TARDBP: variants seen among roughly 807,000 people sequenced by gnomAD.
TARDBP encodes TAR DNA-binding protein 43.
In TARDBP, 4 loss-of-function variants were observed where a neutral mutation model predicts 38.3. The ratio of observed to expected loss-of-function variants is 0.10; its 90% CI spans 0.05 to 0.24. The LOEUF (loss-of-function observed/expected upper bound fraction) is 0.24, where lower values mean the gene tolerates loss of function less well. Ranked by LOEUF, TARDBP falls within the 10% of genes least tolerant of loss-of-function variation. The pLI, the probability that TARDBP is intolerant of heterozygous loss-of-function variation, is 1.00. For synonymous variants in TARDBP, 184 were observed against 183.8 expected (o/e 1.00, Z -0.01); for missense variants, 202 against 521.9 (o/e 0.39, Z 5.97).
At chr1:11,019,082 G>C in intron 4 of TARDBP, 3 of 631,554 alleles carry the variant, frequency 4.8e-6, no homozygotes, top group Non-Finnish European at 5.5e-6. Context: ...CTAAACCTTT[G>C]TTCATTTTGT....
intron 5 of TARDBP, among the ~76,000 whole-genome samples, chr1:11,021,614 T>G (rs1347600214): frequency 6.6e-6 from 1 of 152,020 alleles, no homozygotes; most frequent in Non-Finnish European, 1.5e-5. Context: ...TGAGACAGGG[T>G]CTCACTCTGT....
rs1643666176 is a variant in TARDBP, at chr1:11,022,739, T to G, written c.*85T>G. The G allele has an allele frequency of 3.3e-6, 5 of 1,520,092 alleles. No homozygotes were observed. Among genetic ancestry groups the G allele is most frequent in the Non-Finnish European group, 4.4e-6 (5 of 1,135,974 alleles). The allele number at this position is 1,520,092 out of a possible 1,614,324, so 94.2% of individuals were successfully genotyped here. A position where few individuals can be genotyped will look rare whatever the true frequency, so the allele number is the denominator to read the frequency against. ...TGGTAAGTATATTGTAAAATACATATGTACTAAGAATTTTCAAAATTGGTT... is the reference window on the plus strand; with the variant it reads ...TGGTAAGTATATTGTAAAATACATAGGTACTAAGAATTTTCAAAATTGGTT... On this transcript the variant is annotated 3_prime_UTR_variant, in exon 6 of 6. Coordinates refer to ENST00000240185, the MANE Select transcript of TARDBP (RefSeq NM_007375.4). The surrounding 1 kb of genome is among the most constrained non-coding windows in gnomAD (Gnocchi z 4.5).
intron 3 of TARDBP, 171 bp from the exon 4 acceptor site, chr1:11,018,562 A>G: frequency 1.2e-6 from 1 of 826,514 alleles, no homozygotes; most frequent in Non-Finnish European, 2.0e-6. Context: ...TTAACACAGT[A>G]TGGATTCAAT....
chr1:11,014,568 T>C (rs1243952867), intron 2 of TARDBP, among the ~76,000 whole-genome samples: 1 of 152,244 alleles, frequency 6.6e-6, no homozygotes, highest in African/African-American at 2.4e-5. Context: ...GTCTGTGTGT[T>C]CCTTTTATTA....
downstream of TARDBP, among the ~76,000 whole-genome samples, chr1:11,028,958 C>T (rs1330680768): frequency 6.7e-6 from 1 of 149,316 alleles, no homozygotes; most frequent in African/African-American, 2.5e-5. Flanking sequence ...CACGATCTGC[C>T]CGCCTCAGCC....
downstream of TARDBP, chr1:11,025,859 A>G (rs1250598565): frequency 1.3e-5 from 2 of 154,816 alleles, no homozygotes; most frequent in African/African-American, 4.8e-5. Flanking sequence ...AATGTGTAAC[A>G]GTAAGAATGA....
In TARDBP at chr1:11,022,051, A is replaced by C. The variant is rs1435008026; in HGVS notation, c.715-73A>C. 9.6e-6 allele frequency: 15 copies of C among 1,559,470 alleles called. No homozygotes were observed. In the East Asian group the frequency reaches 3.4e-4, roughly 35 times the overall value. ...TTAGATAAATTAATGCTTGTAATCT[A>C]AGTTTTGTTGCTACTTTAAATATAT... On this transcript the variant is annotated intron_variant, in intron 5 of 5. Coordinates refer to ENST00000240185, the MANE Select transcript of TARDBP (RefSeq NM_007375.4). This position sits in a 1 kb window ranked among gnomAD's most constrained non-coding sequence, Gnocchi z 4.5.
chr1:11,027,302 G>A (rs1182986443), downstream of TARDBP: 1 of 1,613,980 alleles, frequency 6.2e-7, no homozygotes, highest in Non-Finnish European at 8.5e-7. Flanking sequence ...AAATAGGCGT[G>A]ATGTTGCTAT....
downstream of TARDBP, chr1:11,029,632 A>ATATTT: frequency 2.1e-5 from 1 of 48,550 alleles, no homozygotes; most frequent in Non-Finnish European, 5.4e-5. Context: ...AATTTTTAAA[A>ATATTT]TCTTTTTTTT....
intron 2 of TARDBP, among the ~76,000 whole-genome samples, chr1:11,015,968 G>A (rs375121322): frequency 7.0e-6 from 1 of 142,320 alleles, no homozygotes; most frequent in Admixed American, 7.0e-5. Context: ...ACGAAGTCTC[G>A]CCCTTGTCGC....
downstream of TARDBP, among the ~76,000 whole-genome samples, chr1:11,028,211 C>T (rs1349001301): frequency 6.6e-6 from 1 of 151,512 alleles, no homozygotes; most frequent in Non-Finnish European, 1.5e-5. Context: ...GAGCAAAACT[C>T]CATCTCAAAA....
intron 2 of TARDBP, chr1:11,015,686 C>G (rs1480089124): frequency 6.7e-6 from 1 of 150,196 alleles, no homozygotes; most frequent in African/African-American, 2.4e-5. Context: ...AAAAAATTAT[C>G]TCCCCTTCTC....
downstream of TARDBP, chr1:11,026,101 A>T (rs753517073): frequency 6.5e-6 from 1 of 154,782 alleles, no homozygotes; most frequent in Non-Finnish European, 1.5e-5. Context: ...TTTGAACATT[A>T]TTCAGGTTAT....
downstream of TARDBP, chr1:11,030,119 C>T (rs148080314): frequency 2.6e-4 from 342 of 1,302,800 alleles, no homozygotes; most frequent in Non-Finnish European, 3.5e-4. Context: ...CTCACTGTCT[C>T]CTACCCAGTC....
In TARDBP at chr1:11,025,081, C is replaced by T. The variant is rs1343825992; in HGVS notation, c.*2427C>T. 1 of 152,364 alleles carries T rather than the reference C, an allele frequency of 6.6e-6. No individual in the cohort carries two copies. The highest frequency in any genetic ancestry group is 1.5e-5 in the Non-Finnish European group (1 of 67,982). The allele number at this position is 152,364 out of a possible 1,614,324, so 9.4% of individuals were successfully genotyped here. The stretch of plus-strand genomic sequence containing the variant: ...CATCTGAATCTGCATGATTTCCAAA[C>T]CCTGTACCATCTGAATTTTGCATTT... On this transcript the variant is annotated 3_prime_UTR_variant, in exon 6 of 6. Coordinates refer to ENST00000240185, the MANE Select transcript of TARDBP (RefSeq NM_007375.4).
At chr1:11,029,492 T>C (rs1643803406), downstream of TARDBP, among the ~76,000 whole-genome samples, 1 of 152,124 alleles carries the variant, frequency 6.6e-6, no homozygotes, top group South Asian at 2.1e-4. Flanking sequence ...ATTGCATTGA[T>C]GTTTAAAAAC....
downstream of TARDBP, chr1:11,027,737 G>A: frequency 1.5e-6 from 2 of 1,377,290 alleles, no homozygotes; most frequent in Non-Finnish European, 2.0e-6. Context: ...GTATATATTT[G>A]ATGTCAACCA....
Position 11,024,475 on chromosome 1 carries a change from T to C in TARDBP, c.*1821T>C, listed in dbSNP as rs1418427182. Reference sequence around the variant, plus strand: ...TTTGGGGGAGTGGGCAAAATGTTGATTATTTTCTAATGCTTTGTAGCAAAG... The same window carrying C: ...TTTGGGGGAGTGGGCAAAATGTTGACTATTTTCTAATGCTTTGTAGCAAAG... On this transcript the variant is annotated 3_prime_UTR_variant, in exon 6 of 6. Coordinates refer to ENST00000240185, the MANE Select transcript of TARDBP (RefSeq NM_007375.4). 6.6e-6 allele frequency: 1 copy of C among 152,648 alleles called. No individual in the cohort carries two copies. The highest frequency in any genetic ancestry group is 2.4e-5 in the African/African-American group (1 of 41,452). The allele number at this position is 152,648 out of a possible 1,614,324, so 9.5% of individuals were successfully genotyped here. A position where few individuals can be genotyped will look rare whatever the true frequency, so the allele number is the denominator to read the frequency against.
intron 2 of TARDBP, 82 bp downstream of exon 2, chr1:11,014,047 T>G (rs1445547999): frequency 7.3e-7 from 1 of 1,365,698 alleles, no homozygotes; most frequent in East Asian, 2.3e-5. Context: ...CCTCTTTTGG[T>G]GGCAGAATGT....
Sources: allele counts gnomAD v4.1 joint callset (sites outside exome capture counted in the v4.1 genomes callset), GRCh38; gene constraint gnomAD v4.1.1; non-coding constraint Gnocchi (gnomAD v3.1); transcripts MANE v1.5; gene names NCBI Gene and HGNC (gene_info 2026-07-23, HGNC 2026-07-21).